KIF7: variants seen among roughly 807,000 people sequenced by gnomAD.
KIF7 encodes kinesin family member 7.
Under a neutral mutation model 135.7 loss-of-function variants are expected in KIF7, and 104 were observed. That is an observed-to-expected ratio of 0.77 (90% CI 0.65 to 0.90). KIF7 has a LOEUF of 0.90. Ranked by LOEUF, KIF7 falls within the 40% of genes least tolerant of loss-of-function variation. The pLI, the probability that KIF7 is intolerant of heterozygous loss-of-function variation, is 0.00. For missense variants in KIF7, 2,005 were observed against 1,839.1 expected, an observed-to-expected ratio of 1.09 and a Z score of -1.65; for synonymous variants, 883 against 809.4, an observed-to-expected ratio of 1.09 and a Z score of -1.54.
rs1963622385 is a variant in KIF7 at position 89,629,449 on chromosome 15, T to A, written c.3443A>T (p.Glu1148Val). The A allele has an allele frequency of 2.5e-6, 4 of 1,609,572 alleles. No homozygotes were observed. Among genetic ancestry groups the A allele is most frequent in the Non-Finnish European group, 3.4e-6 (4 of 1,179,938 alleles). ...CTGCAGGGTCAGCTGGCGGTCCATC[T>A]CCAGGCGCTGCCGCTCCAGGGCCAC... ...LEVALERQRL[E>V]MDRQLTLQQK... The change falls in exon 17 of 19, where the codon GAG (glutamate) becomes GTG (valine). Residue 1148 changes from glutamate to valine, a missense_variant. Transcript: ENST00000394412.
At chr15:89,623,379 A>T (rs1367132140), downstream of KIF7, among the ~76,000 whole-genome samples, 4 of 152,246 alleles carry the variant, frequency 2.6e-5, no homozygotes, top group African/African-American at 7.2e-5. Context: ...CAATATGTAG[A>T]TTATTAAAAT....
At chr15:89,655,971 G>A (rs1250800840), upstream of KIF7, among the ~76,000 whole-genome samples, 1 of 152,178 alleles carries the variant, frequency 6.6e-6, no homozygotes, top group African/African-American at 2.4e-5. Flanking sequence ...GAGATGGTTG[G>A]TGTCTTCACC....
intron 8 of KIF7, 86 bp from the exon 9 acceptor site, chr15:89,645,537 C>CCACCGG: frequency 9.5e-7 from 1 of 1,054,204 alleles, no homozygotes; most frequent in Middle Eastern, 2.4e-4. Flanking sequence ...AGAAGAGAGG[C>CCACCGG]CACCGGGTCT....
upstream of KIF7, among the ~76,000 whole-genome samples, chr15:89,659,480 AAGAG>A (rs920678208): frequency 3.3e-5 from 5 of 151,618 alleles, no homozygotes; most frequent in East Asian, 1.9e-4. Context: ...GAAAGAAAGA[AAGAG>A]AAAGAAAGGA....
intron 8 of KIF7, 51 bp downstream of exon 8, chr15:89,645,842 C>T (rs1415721763): frequency 6.2e-7 from 1 of 1,600,478 alleles, no homozygotes; most frequent in Non-Finnish European, 8.5e-7. Context: ...CCTGCCTAGC[C>T]CTGGGCCCTG....
chr15:89,624,303 G>A (rs1313267691), downstream of KIF7: 1 of 1,614,062 alleles, frequency 6.2e-7, no homozygotes, highest in Non-Finnish European at 8.5e-7. Context: ...CTAAAATAGA[G>A]TGTCCTTCCC....
At chr15:89,621,873 TGC>T (rs1963430778) in intron 1 of KIF7, among the ~76,000 whole-genome samples, 1 of 152,030 alleles carries the variant, frequency 6.6e-6, no homozygotes, top group Non-Finnish European at 1.5e-5. Context: ...TCCGTTTGAT[TGC>T]CCACTCCATC....
At chr15:89,659,468 AAGAAAGAAAGAAAG>A (rs1183107025), upstream of KIF7, among the ~76,000 whole-genome samples, 1 of 149,568 alleles carries the variant, frequency 6.7e-6, no homozygotes, top group Non-Finnish European at 1.5e-5. Flanking sequence ...AGAAAGAAAA[AAGAAAGAAAGAAAG>A]AGAAAGAAAG....
chr15:89,623,695 C>A, downstream of KIF7: 1 of 1,614,074 alleles, frequency 6.2e-7, no homozygotes, highest in Middle Eastern at 1.6e-4. Context: ...TCATACACCA[C>A]AAACTCCGTT....
At chr15:89,643,250 T>G (rs1242850368) in intron 10 of KIF7, among the ~76,000 whole-genome samples, 8 of 152,238 alleles carry the variant, frequency 5.3e-5, no homozygotes. Flanking sequence ...GTACTGACCA[T>G]TTACAGATTT....
intron 1 of KIF7, chr15:89,621,458 T>C: frequency 1.2e-6 from 2 of 1,614,144 alleles, no homozygotes; most frequent in Non-Finnish European, 1.7e-6. Flanking sequence ...TGGGGCAATG[T>C]CTGAGATGAT....
At chr15:89,653,631 A>G (rs955018656) in intron 1 of KIF7, among the ~76,000 whole-genome samples, 3 of 152,224 alleles carry the variant, frequency 2.0e-5, no homozygotes, top group African/African-American at 7.2e-5. Context: ...AGACTGGAGT[A>G]CAGTGGCATG....
At chr15:89,633,561 T>C (rs1267822236) in intron 12 of KIF7, 125 bp downstream of exon 12, 1 of 1,075,256 alleles carries the variant, frequency 9.3e-7, no homozygotes, top group Non-Finnish European at 1.4e-6. Flanking sequence ...AGACTCAGGC[T>C]AAGTGACCTG....
intron 1 of KIF7, among the ~76,000 whole-genome samples, chr15:89,619,432 G>A (rs538913053): frequency 6.6e-6 from 1 of 152,044 alleles, no homozygotes; most frequent in South Asian, 2.1e-4. Context: ...CACCTTGTTG[G>A]TCAGGCTGGC....
At position 89,629,141 on chromosome 15, in the gene KIF7, GGA is replaced by G. The variant is rs1596064439; in HGVS notation, c.3518-21_3518-20del. ...AGGTGGTCTAGAGTGGAAAGGTCGA[GGA>G]GAGGGTGGTGAGGGCTGCAGGCGGG... On this transcript the variant is annotated intron_variant, in intron 17 of 18. Transcript: ENST00000394412. 1 of 1,611,260 alleles carries G rather than the reference GGA, an allele frequency of 6.2e-7. No individual in the cohort carries two copies. Among genetic ancestry groups the G allele is most frequent in the Non-Finnish European group, 8.5e-7 (1 of 1,179,584 alleles).
chr15:89,627,261 C>A, downstream of KIF7: 1 of 745,404 alleles, frequency 1.3e-6, no homozygotes, highest in Non-Finnish European at 2.1e-6. Context: ...CCTGGCCCTG[C>A]CCCTTGTTGG....
chr15:89,658,166 C>T (rs1470850915), upstream of KIF7, among the ~76,000 whole-genome samples: 2 of 152,164 alleles, frequency 1.3e-5, no homozygotes, highest in Non-Finnish European at 2.9e-5. Flanking sequence ...GAGAGAAACT[C>T]AAGGCTGAGT....
At chr15:89,650,013 A>C (rs1012868841) in intron 2 of KIF7, 72 bp from the exon 3 acceptor site, 8 of 1,443,960 alleles carry the variant, frequency 5.5e-6, no homozygotes, top group African/African-American at 2.8e-5. Flanking sequence ...CCGGAAGCTC[A>C]TAGGCCCCTG....
intron 11 of KIF7, among the ~76,000 whole-genome samples, chr15:89,641,361 A>C (rs980024602): frequency 6.6e-6 from 1 of 152,078 alleles, no homozygotes; most frequent in African/African-American, 2.4e-5. Context: ...GAGAAACTAA[A>C]CTTCTGCTGT....
Sources: allele counts gnomAD v4.1 joint callset (sites outside exome capture counted in the v4.1 genomes callset), GRCh38; gene constraint gnomAD v4.1.1; transcripts MANE v1.5; gene names NCBI Gene and HGNC (gene_info 2026-07-23, HGNC 2026-07-21).